ZFHX2: variants seen among roughly 807,000 people sequenced by gnomAD.
ZFHX2 encodes the protein zinc finger homeobox 2, also known as zinc finger homeobox protein 2.
In ZFHX2, 75 loss-of-function variants were observed where a neutral mutation model predicts 164.8. The ratio of observed to expected loss-of-function variants is 0.46; its 90% confidence interval spans 0.38 to 0.55. The LOEUF is 0.55. ZFHX2 is among the 20% of genes least tolerant of loss of function. The pLI is 0.00. For synonymous variants in ZFHX2, 1,217 were observed against 1,351.4 expected (o/e 0.90, Z 2.18); for missense variants, 2,933 against 3,308.0 (o/e 0.89, Z 2.78).
chr14:23,539,021 G>A lies in ZFHX2; in HGVS notation c.-49-3647C>T, dbSNP rs541864953. The stretch of plus-strand genomic sequence containing the variant: ...GGGAGGCCTGGAGCCAAGGGAGGGC[G>A]GAGAGTTCTGAGGGTGTAGTCATCC... On this transcript the variant is annotated intron_variant, in intron 1 of 9. Coordinates refer to ENST00000419474, the MANE Select transcript of ZFHX2 (RefSeq NM_033400.3). 2.4e-4 allele frequency among the ~76,000 whole-genome samples: 37 copies of A among 152,238 alleles called. No individual in the cohort carries two copies. The South Asian group carries it at 7.1e-3, about 29-fold the overall frequency.
chr14:23,555,901 G>A (rs1882325620), upstream of ZFHX2: 1 of 152,290 alleles, frequency 6.6e-6, no homozygotes, highest in African/African-American at 2.4e-5. Flanking sequence ...TTTAGGTAGA[G>A]TACCGCAGGC....
chr14:23,538,545 C>T (rs1373234906), intron 1 of ZFHX2, among the ~76,000 whole-genome samples: 1 of 152,158 alleles, frequency 6.6e-6, no homozygotes, highest in Non-Finnish European at 1.5e-5. Flanking sequence ...GAGTCATCCC[C>T]TCCTGCCACC....
upstream of ZFHX2, among the ~76,000 whole-genome samples, chr14:23,553,340 C>T (rs1432071507): frequency 6.6e-6 from 1 of 152,220 alleles, no homozygotes; most frequent in Non-Finnish European, 1.5e-5. Flanking sequence ...TGGCTCACTC[C>T]TGTAATCCCA....
rs561588842 is a variant in ZFHX2, at chr14:23,522,254, A to T, written c.7427T>A (p.Phe2476Tyr). Residue 2476 changes from phenylalanine to tyrosine, a missense_variant, in exon 10 of 10, where the codon TTT becomes TAT. Phe to Tyr is a conservative substitution (Grantham distance 22). Transcript: ENST00000419474. ...CATGGAGCCCCCAGAGCCCCGCCCAAAGAAGCAGAAGGATCTCTGGTGGGC... is the reference window on the plus strand; with the variant it reads ...CATGGAGCCCCCAGAGCCCCGCCCATAGAAGCAGAAGGATCTCTGGTGGGC... ...ATAHQRSFCF[F>Y]GRGSGGSMPP... 54 of 1,482,006 alleles carry T rather than the reference A, an allele frequency of 3.6e-5. No homozygotes were observed. In the African/African-American group the frequency reaches 6.4e-4, roughly 18 times the overall value. 91.8% of individuals were successfully genotyped at this position (1,482,006 alleles called of 1,614,324 possible).
At position 23,522,265 on chromosome 14, in the gene ZFHX2, G is replaced by A. The variant is rs751257436; in HGVS notation, c.7416C>T (p.Ser2472=). 1.3e-6 allele frequency: 2 copies of A among 1,487,556 alleles called. No individual in the cohort carries two copies. The highest frequency in any genetic ancestry group is 4.9e-5 in the East Asian group (2 of 40,492). 92.1% of individuals were successfully genotyped at this position (1,487,556 alleles called of 1,614,324 possible). ...GEAPATAHQR[S]FCFFGRGSGG... is the part of the protein sequence containing the mutation. ...CAGAGCCCCGCCCAAAGAAGCAGAA[G>A]GATCTCTGGTGGGCAGTAGCCGGGG... Residue 2472 remains serine, a synonymous_variant, in exon 10 of 10, where the codon TCC becomes TCT. Transcript: ENST00000419474.
chr14:23,533,471 G>A lies in ZFHX2; in HGVS notation c.1855C>T (p.Pro619Ser). The stretch of plus-strand genomic sequence containing the variant: ...CTAGTGGGGGTAGCCCCTGGTGGGG[G>A]AGGAGGGCCTGGCCCCATCAATCCA... ...PPGLMGPGPP[P>S]PPGATPTSPP... is the part of the protein sequence containing the mutation. The change falls in exon 2 of 10, where the codon CCC (proline) becomes TCC (serine). Residue 619 changes from proline to serine, a missense_variant. Pro to Ser is a moderately conservative substitution (Grantham distance 74, BLOSUM62 -1). Coordinates refer to ENST00000419474, the MANE Select transcript of ZFHX2 (RefSeq NM_033400.3). This position sits in a 1 kb window ranked among gnomAD's most constrained non-coding sequence, Gnocchi z 4.8. 6.5e-7 allele frequency: 1 copy of A among 1,535,368 alleles called. No homozygotes were observed. Among genetic ancestry groups the A allele is most frequent in the South Asian group, 1.2e-5 (1 of 84,044 alleles).
chr14:23,528,510 T>C, intron 6 of ZFHX2: 1 of 778,152 alleles, frequency 1.3e-6, no homozygotes, highest in Non-Finnish European at 1.6e-6. Flanking sequence ...ACCTATCCTA[T>C]CCTGTCGTGT....
Position 23,524,291 on chromosome 14 carries a change from C to A in ZFHX2, c.5651G>T (p.Arg1884Leu). 1 of 1,536,318 alleles carries A rather than the reference C, an allele frequency of 6.5e-7. No homozygotes were observed. The highest frequency in any genetic ancestry group is 2.0e-5 in the Admixed American group (1 of 51,004). Reference protein sequence around the residue: ...RWYMQDSNPTRKMLDCISEEV... With the variant: ...RWYMQDSNPTLKMLDCISEEV... ...CTCGGAGATGCAGTCGAGCATCTTGCGTGTTGGGTTGGAATCCTGCATGTA... is the reference window on the plus strand; with the variant it reads ...CTCGGAGATGCAGTCGAGCATCTTGAGTGTTGGGTTGGAATCCTGCATGTA... The change falls in exon 9 of 10, where the codon CGC becomes CTC. Residue 1884 changes from arginine to leucine, a missense_variant. Coordinates refer to ENST00000419474, the MANE Select transcript of ZFHX2 (RefSeq NM_033400.3). This position sits in a 1 kb window ranked among gnomAD's most constrained non-coding sequence, Gnocchi z 5.6.
intron 6 of ZFHX2, chr14:23,529,427 C>T (rs112450451): frequency 1.3e-4 from 52 of 400,028 alleles, no homozygotes; most frequent in African/African-American, 1.0e-3. Context: ...CAGCATGTAC[C>T]CCCACTCTTT....
chr14:23,526,077 C>G lies in ZFHX2; in HGVS notation c.3865G>C (p.Glu1289Gln). The G allele has an allele frequency of 1.3e-6, 2 of 1,536,528 alleles. No homozygotes were observed. Among genetic ancestry groups the G allele is most frequent in the Non-Finnish European group, 1.7e-6 (2 of 1,146,960 alleles). Residue 1289 changes from glutamate to glutamine, a missense_variant, in exon 9 of 10, where the codon GAA becomes CAA. Physicochemically the swap from Glu to Gln is conservative, Grantham distance 29 (BLOSUM62 2). Transcript: ENST00000419474. ...TKTDSKIEGP[E>Q]RSQEEPKEGE... ...TCCTTGGGCTCTTCTTGGCTGCGTT[C>G]TGGCCCTTCAATCTTGGAATCAGTC...
chr14:23,534,050 T>A lies in ZFHX2; in HGVS notation c.1276A>T (p.Thr426Ser). 4 of 1,532,102 alleles carry A rather than the reference T, an allele frequency of 2.6e-6. No homozygotes were observed. Among genetic ancestry groups the A allele is most frequent in the Non-Finnish European group, 2.6e-6 (3 of 1,144,200 alleles). The allele number at this position is 1,532,102 out of a possible 1,614,324, so 94.9% of individuals were successfully genotyped here. The change falls in exon 2 of 10, where the codon ACC (threonine) becomes TCC (serine). Residue 426 changes from threonine to serine, a missense_variant. Physicochemically the swap from Thr to Ser is moderately conservative, Grantham distance 58. Coordinates refer to ENST00000419474, the MANE Select transcript of ZFHX2 (RefSeq NM_033400.3). This position sits in a 1 kb window ranked among gnomAD's most constrained non-coding sequence, Gnocchi z 4.5. ...PQPYRLADDY[T>S]PAPAAFQGLS... ...CCCTGGAAGGCTGCAGGGGCTGGGG[T>A]GTAGTCATCAGCTAGGCGATAGGGC...
chr14:23,552,244 G>A (rs1356705959), upstream of ZFHX2, among the ~76,000 whole-genome samples: 2 of 151,670 alleles, frequency 1.3e-5, no homozygotes, highest in African/African-American at 4.9e-5. Flanking sequence ...GGGAGGTTCG[G>A]GCTCCTCCTC....
Position 23,535,052 on chromosome 14 carries a change from C to T in ZFHX2, c.274G>A (p.Val92Met), listed in dbSNP as rs1331949192. The T allele has an allele frequency of 2.0e-6, 3 of 1,536,290 alleles. No homozygotes were observed. Among genetic ancestry groups the T allele is most frequent in the Non-Finnish European group, 2.6e-6 (3 of 1,146,932 alleles). ...TCCTCCTGCTCCTTGTCCTTTTCCACCCCTGGGTCATTTGGTGGGAAGTGA... is the reference window on the plus strand; with the variant it reads ...TCCTCCTGCTCCTTGTCCTTTTCCATCCCTGGGTCATTTGGTGGGAAGTGA... ...CGHFPPNDPG[V>M]EKDKEQEEEE... Residue 92 changes from valine (V) to methionine (M), a missense_variant, in exon 2 of 10, where the codon GTG becomes ATG. Val to Met is a conservative substitution (Grantham distance 21, BLOSUM62 1). Coordinates refer to ENST00000419474, the MANE Select transcript of ZFHX2 (RefSeq NM_033400.3). This position sits in a 1 kb window ranked among gnomAD's most constrained non-coding sequence, Gnocchi z 4.5.
In ZFHX2 at chr14:23,532,835, C is replaced by T; in HGVS notation, c.2291G>A (p.Cys764Tyr). The T allele has an allele frequency of 6.5e-7, 1 of 1,536,544 alleles. No individual in the cohort carries two copies. Among genetic ancestry groups the T allele is most frequent in the Non-Finnish European group, 8.7e-7 (1 of 1,147,034 alleles). ...GTTGGCCTTGAGCTGGGTGCCATAG[C>T]AGCAAAGCTTGCAGCGGTGGGTGTC... is the stretch of plus-strand genomic sequence containing the variant. ...AGDTHRCKLC[C>Y]YGTQLKANFQ... Residue 764 changes from cysteine (C) to tyrosine (Y), a missense_variant, in exon 3 of 10, where the codon TGC becomes TAC. Transcript: ENST00000419474.
At chr14:23,531,896 C>T in intron 3 of ZFHX2, 175 bp from the exon 4 acceptor site, 2 of 838,654 alleles carry the variant, frequency 2.4e-6, no homozygotes, top group Non-Finnish European at 3.2e-6. Flanking sequence ...CATGCCTCAG[C>T]CTCCCGAGTA....
intron 5 of ZFHX2, 117 bp downstream of exon 5, chr14:23,530,003 T>C (rs567394871): frequency 1.0e-4 from 118 of 1,155,538 alleles, no homozygotes; most frequent in Non-Finnish European, 3.7e-5. Context: ...TGATGAGCCC[T>C]TTCTTTAATC....
In ZFHX2 at chr14:23,532,653, T is replaced by C. The variant is rs983969398; in HGVS notation, c.2473A>G (p.Ile825Val). 6.7e-7 allele frequency: 1 copy of C among 1,484,078 alleles called. No homozygotes were observed. Among genetic ancestry groups the C allele is most frequent in the Non-Finnish European group, 8.9e-7 (1 of 1,119,332 alleles). The allele number at this position is 1,484,078 out of a possible 1,614,324, so 91.9% of individuals were successfully genotyped here. A position where few individuals can be genotyped will look rare whatever the true frequency, so the allele number is the denominator to read the frequency against. The change falls in exon 3 of 10, where the codon ATC (isoleucine) becomes GTC (valine). Residue 825 changes from isoleucine to valine, a missense_variant. Coordinates refer to ENST00000419474, the MANE Select transcript of ZFHX2 (RefSeq NM_033400.3). ...SVSPLHLRCNICDFESNSKEK... is the reference protein window; with the variant it reads ...SVSPLHLRCNVCDFESNSKEK... ...TTGCTGTTGGACTCAAAGTCACAGA[T>C]GTTGCAGCGCAGGTGTAGTGGGGAG...
intron 1 of ZFHX2, among the ~76,000 whole-genome samples, chr14:23,544,455 G>A (rs1398635768): frequency 6.6e-6 from 1 of 152,168 alleles, no homozygotes; most frequent in African/African-American, 2.4e-5. Context: ...GATTGTATGT[G>A]GGGCAGCTGG....
intron 1 of ZFHX2, among the ~76,000 whole-genome samples, chr14:23,540,171 T>C (rs1469650022): frequency 6.6e-6 from 1 of 152,110 alleles, no homozygotes; most frequent in African/African-American, 2.4e-5. Context: ...TTGTATTTTT[T>C]GTGGAGACAA....
Sources: gnomAD v4.1 joint callset for allele counts (sites outside exome capture counted in the v4.1 genomes callset) on GRCh38, gnomAD v4.1.1 for gene constraint, Gnocchi (gnomAD v3.1) non-coding constraint, MANE v1.5 for transcripts, NCBI Gene and HGNC (gene_info 2026-07-23, HGNC 2026-07-21) for gene names.